The following CDH12 variants were observed in gnomAD, a reference collection of about 807,000 sequenced individuals.
CDH12 encodes cadherin-12.
CDH12 carries 41 observed loss-of-function variants against 74.1 expected under a neutral mutation model. The ratio of observed to expected loss-of-function variants is 0.55; its 90% CI spans 0.43 to 0.72. The LOEUF (loss-of-function observed/expected upper bound fraction) is 0.72. CDH12 is among the 30% of genes least tolerant of loss of function. The pLI is 0.00. For missense variants in CDH12, 945 were observed against 977.2 expected, an observed-to-expected ratio of 0.97 and a Z score of 0.44; for synonymous variants, 399 against 355.0, an observed-to-expected ratio of 1.12 and a Z score of -1.39.
At chr5:22,534,947 A>T (rs1002194405) in intron 1 of CDH12, among the ~76,000 whole-genome samples, 1 of 148,772 alleles carries the variant, frequency 6.7e-6, no homozygotes, top group Admixed American at 6.7e-5. Context: ...TTCATGCTTT[A>T]AAACTGGCCA....
chr5:22,424,983 T>G (rs1023648892), intron 2 of CDH12, among the ~76,000 whole-genome samples: 1 of 150,726 alleles, frequency 6.6e-6, no homozygotes, highest in Non-Finnish European at 1.5e-5. Flanking sequence ...AAAATTAAAT[T>G]TAAAATAGGT....
chr5:22,806,674 G>A (rs1748832204), intron 1 of CDH12, among the ~76,000 whole-genome samples: 2 of 152,034 alleles, frequency 1.3e-5, no homozygotes, highest in African/African-American at 4.8e-5. Flanking sequence ...CATTCTAACT[G>A]GTGTGAGATG....
chr5:22,789,606 C>G (rs1271820981), intron 1 of CDH12, among the ~76,000 whole-genome samples: 1 of 151,978 alleles, frequency 6.6e-6, no homozygotes, highest in Non-Finnish European at 1.5e-5. Flanking sequence ...AAAAGTGTCT[C>G]ACAAGTATTA....
In CDH12 at chr5:22,491,467, T is replaced by G. The variant is rs1746859951; in HGVS notation, c.-428+13803A>C. On this transcript the variant is annotated intron_variant, in intron 2 of 14. Transcript: ENST00000382254. The stretch of plus-strand genomic sequence containing the variant: ...AAAAATTCATGGGATCATCTATTAG[T>G]TAACTAGGATTGCCATAATAACATA... Among the ~76,000 whole-genome samples the G allele has an allele frequency of 2.0e-5, 3 of 151,740 alleles. No individual in the cohort carries two copies. In the South Asian group the frequency reaches 6.2e-4, roughly 31 times the overall value.
At chr5:22,121,496 G>A (rs917021186) in intron 4 of CDH12, among the ~76,000 whole-genome samples, 5 of 152,116 alleles carry the variant, frequency 3.3e-5, no homozygotes, top group Admixed American at 6.5e-5. Flanking sequence ...AAAGTCTTAC[G>A]TCTGATTCGG....
intron 5 of CDH12, among the ~76,000 whole-genome samples, chr5:22,068,298 C>T (rs924819502): frequency 4.6e-5 from 7 of 152,310 alleles, no homozygotes; most frequent in African/African-American, 1.7e-4. Flanking sequence ...GTACCTATGG[C>T]CTCATCACGT....
chr5:21,804,005 T>C (rs188219714), intron 9 of CDH12, among the ~76,000 whole-genome samples: 17 of 152,300 alleles, frequency 1.1e-4, no homozygotes, highest in Admixed American at 7.2e-4. Context: ...TTCACCATAC[T>C]TTTTTATGCA....
intron 4 of CDH12, among the ~76,000 whole-genome samples, chr5:22,159,862 G>T (rs1382715570): frequency 6.6e-6 from 1 of 152,024 alleles, no homozygotes; most frequent in Non-Finnish European, 1.5e-5. Flanking sequence ...TACTGAAAAA[G>T]GCAGCTCTAT....
At chr5:21,847,752 T>A (rs1047499080) in intron 7 of CDH12, among the ~76,000 whole-genome samples, 2 of 152,128 alleles carry the variant, frequency 1.3e-5, no homozygotes, top group African/African-American at 4.8e-5. Context: ...GACATGGACA[T>A]ACTTGGGCAA....
At chr5:21,986,476 C>T (rs1757520190) in intron 5 of CDH12, among the ~76,000 whole-genome samples, 1 of 152,108 alleles carries the variant, frequency 6.6e-6, no homozygotes, top group African/African-American at 2.4e-5. Flanking sequence ...TTGGAGAGGT[C>T]ACTGGCTTGG....
chr5:21,913,729 G>A lies in CDH12; in HGVS notation c.527-58939C>T, dbSNP rs924957841. Among the ~76,000 whole-genome samples the A allele has an allele frequency of 2.8e-4, 42 of 152,198 alleles. 1 individual carries two copies. The highest frequency in any genetic ancestry group is 9.2e-4 in the African/African-American group (38 of 41,520). On this transcript the variant is annotated intron_variant, in intron 6 of 14. Coordinates refer to ENST00000382254, the MANE Select transcript of CDH12 (RefSeq NM_004061.5). ...GTCTTGCTGTCAACCACGCTGGAGT[G>A]CAGTGAAATGATCACAGCTTATGGC... is the stretch of plus-strand genomic sequence containing the variant.
At chr5:21,954,449 C>G (rs1229794777) in intron 6 of CDH12, among the ~76,000 whole-genome samples, 1 of 151,986 alleles carries the variant, frequency 6.6e-6, no homozygotes, top group African/African-American at 2.4e-5. Context: ...TATTCAGAAA[C>G]AGAGAGCTAA....
chr5:22,244,957 C>A (rs1352189140), intron 3 of CDH12, among the ~76,000 whole-genome samples: 6 of 151,992 alleles, frequency 3.9e-5, no homozygotes, highest in African/African-American at 1.4e-4. Context: ...TAGAAAAGAG[C>A]ATTCCTGGAG....
At chr5:22,174,862 A>G (rs1277274437) in intron 4 of CDH12, among the ~76,000 whole-genome samples, 1 of 151,956 alleles carries the variant, frequency 6.6e-6, no homozygotes, top group Non-Finnish European at 1.5e-5. Context: ...AATTTTAAAG[A>G]ACTGTCTTTA....
chr5:22,662,962 A>G (rs1256441903), intron 1 of CDH12, among the ~76,000 whole-genome samples: 2 of 152,218 alleles, frequency 1.3e-5, no homozygotes, highest in Non-Finnish European at 2.9e-5. Flanking sequence ...AATTTTACCA[A>G]TTATAGATCC....
chr5:22,329,217 C>G (rs1210272928), intron 3 of CDH12, among the ~76,000 whole-genome samples: 1 of 152,064 alleles, frequency 6.6e-6, no homozygotes, highest in Admixed American at 6.5e-5. Flanking sequence ...GCAAAACAAA[C>G]TAAAACAAAA....
At chr5:22,172,146 G>A (rs1749068730) in intron 4 of CDH12, among the ~76,000 whole-genome samples, 3 of 151,882 alleles carry the variant, frequency 2.0e-5, no homozygotes. Flanking sequence ...CTTCTCTAAT[G>A]TTTCATCAAG....
At chr5:22,197,447 A>AAAAT (rs1422616113) in intron 4 of CDH12, among the ~76,000 whole-genome samples, 10 of 152,286 alleles carry the variant, frequency 6.6e-5, no homozygotes, top group East Asian at 1.9e-4. Context: ...ACACCGTCTC[A>AAAAT]AAATAAATAA....
intron 1 of CDH12, among the ~76,000 whole-genome samples, chr5:22,752,016 A>G (rs1745604514): frequency 1.3e-5 from 2 of 152,162 alleles, no homozygotes; most frequent in African/African-American, 2.4e-5. Flanking sequence ...CAGATGCCGT[A>G]TAGTTTAATT....
Sources: gnomAD v4.1 joint callset for allele counts (sites outside exome capture counted in the v4.1 genomes callset) on GRCh38, gnomAD v4.1.1 for gene constraint, MANE v1.5 for transcripts, NCBI Gene and HGNC (gene_info 2026-07-23, HGNC 2026-07-21) for gene names.